Variants in WIZ observed in about 807,000 individuals in gnomAD.
WIZ encodes WIZ zinc finger, also known as protein Wiz.
In WIZ, 25 loss-of-function variants were observed where a neutral mutation model predicts 140.2. The ratio of observed to expected loss-of-function variants is 0.18; its 90% CI spans 0.13 to 0.25. WIZ has a LOEUF of 0.25. WIZ is among the 10% of genes least tolerant of loss of function. The pLI is 1.00. For synonymous variants in WIZ, 1,125 were observed against 1,154.3 expected (o/e 0.97, Z 0.51); for missense variants, 2,231 against 2,632.6 (o/e 0.85, Z 3.34).
chr19:15,438,660 G>A lies in WIZ; in HGVS notation c.2334C>T (p.Ser778=). The A allele has an allele frequency of 6.5e-7, 1 of 1,536,022 alleles. No homozygotes were observed. ...VRGHLNRVGV[S]YNVRHFISAE... ...CGGAGATGAAATGGCGCACATTGTA[G>A]CTGACGCCCACGCGGTTCAGGTGGC... The change falls in exon 4 of 13, where the codon AGC becomes AGT. Residue 778 remains serine (S), a synonymous_variant. Coordinates refer to ENST00000673675, the MANE Select transcript of WIZ (RefSeq NM_001371589.1).
At chr19:15,446,145 C>G (rs911925006) in intron 2 of WIZ, among the ~76,000 whole-genome samples, 17 of 152,298 alleles carry the variant, frequency 1.1e-4, no homozygotes, top group African/African-American at 4.1e-4. Context: ...CCTGGCCCCC[C>G]TCAGCAGCCA....
chr19:15,440,362 G>T lies in WIZ; in HGVS notation c.632C>A (p.Pro211His). ...LHLDLPAQPP[P>H]LAPFRRVFVP... ...AAACACCCTCCTGAAGGGGGCGAGG[G>T]GTGGCGGCTGGGCAGGCAGGTCCAA... Residue 211 changes from proline to histidine, a missense_variant, in exon 4 of 13, where the codon CCC becomes CAC. Coordinates refer to ENST00000673675, the MANE Select transcript of WIZ (RefSeq NM_001371589.1). This position sits in a 1 kb window ranked among gnomAD's most constrained non-coding sequence, Gnocchi z 6.2. The T allele has an allele frequency of 6.5e-7, 1 of 1,531,326 alleles. No individual in the cohort carries two copies. The allele number at this position is 1,531,326 out of a possible 1,614,324, so 94.9% of individuals were successfully genotyped here.
intron 7 of WIZ, among the ~76,000 whole-genome samples, chr19:15,429,282 G>T (rs1377614300): frequency 6.6e-6 from 1 of 152,092 alleles, no homozygotes; most frequent in Non-Finnish European, 1.5e-5. Flanking sequence ...CTACCCACAG[G>T]CCCAGAGAAA....
At position 15,425,287 on chromosome 19, in the gene WIZ, T is replaced by C; in HGVS notation, c.4848A>G (p.Glu1616=). Residue 1616 remains glutamate (E), a synonymous_variant, in exon 10 of 13, where the codon GAA becomes GAG. Transcript: ENST00000673675. Reference sequence around the variant, plus strand: ...GAAGGGTCTTTGCCTTGAAGGGCAGTTCAGTCTGGATGTAGGTCTTGGCCT... The same window carrying C: ...GAAGGGTCTTTGCCTTGAAGGGCAGCTCAGTCTGGATGTAGGTCTTGGCCT... ...EVKAKTYIQT[E]LPFKAKTLHE... is the part of the protein sequence containing the mutation. 6.3e-6 allele frequency: 10 copies of C among 1,592,116 alleles called. No homozygotes were observed. The East Asian group carries it at 9.1e-5, about 15-fold the overall frequency.
intron 1 of WIZ, among the ~76,000 whole-genome samples, chr19:15,448,771 T>G (rs566406328): frequency 6.6e-6 from 1 of 152,210 alleles, no homozygotes; most frequent in South Asian, 2.1e-4. Context: ...TGCCTTCGTT[T>G]CCTCGGCAAG....
rs1969619593 is a variant in WIZ, at chr19:15,438,944, T to G, written c.2050A>C (p.Ile684Leu). ...QQQQLRGMVP[I>L]VLVAKLGPQV... is the part of the protein sequence containing the mutation. ...GGCCCCAGCTTCGCCACGAGCACAA[T>G]GGGTACCATCCCTCGGAGCTGCTGC... The change falls in exon 4 of 13, where the codon ATT becomes CTT. Residue 684 changes from isoleucine (I) to leucine (L), a missense_variant. Ile to Leu is a conservative substitution (Grantham distance 5). Around this residue, in one of 15 missense-constraint regions of WIZ, gnomAD observed 475 missense variants for 520.2 expected, o/e 0.91. Transcript: ENST00000673675. The G allele has an allele frequency of 6.9e-7, 1 of 1,449,434 alleles. No individual in the cohort carries two copies. Among genetic ancestry groups the G allele is most frequent in the Non-Finnish European group, 9.1e-7 (1 of 1,103,068 alleles). 89.8% of individuals were successfully genotyped at this position (1,449,434 alleles called of 1,614,324 possible).
In WIZ at chr19:15,425,226, C is replaced by T. The variant is rs1328184029; in HGVS notation, c.4894+15G>A. The T allele has an allele frequency of 6.4e-7, 1 of 1,562,418 alleles. No individual in the cohort carries two copies. Among genetic ancestry groups the T allele is most frequent in the Non-Finnish European group, 8.7e-7 (1 of 1,154,518 alleles). The stretch of plus-strand genomic sequence containing the variant: ...TGGCGGTCGCCCTCCCAGGACCCTG[C>T]CGCCCGCTGCTTACAGGAGTGGGAG... On this transcript the variant is annotated intron_variant, in intron 10 of 12. Transcript: ENST00000673675.
At position 15,426,902 on chromosome 19, in the gene WIZ, C is replaced by G. The variant is rs1051319524; in HGVS notation, c.4366+80G>C. The G allele has an allele frequency of 4.0e-6, 6 of 1,501,060 alleles. No individual in the cohort carries two copies. In the African/African-American group the frequency reaches 7.0e-5, roughly 17 times the overall value. 93.0% of individuals were successfully genotyped at this position (1,501,060 alleles called of 1,614,324 possible). ...TCCTCCCTTCCAATTCAACCCTAGG[C>G]ACTCTGGATACCCCCAAGGGGAGGC... On this transcript the variant is annotated intron_variant, in intron 9 of 12. Transcript: ENST00000673675.
chr19:15,433,385 C>T (rs1969390720), intron 5 of WIZ: 6 of 982,940 alleles, frequency 6.1e-6, no homozygotes, highest in Non-Finnish European at 7.2e-6. Flanking sequence ...CCCTCCTGCC[C>T]ACTTAGGGAG....
chr19:15,423,082 A>T lies in WIZ; in HGVS notation c.5664T>A (p.Ala1888=), dbSNP rs1200888050. The T allele has an allele frequency of 6.2e-7, 1 of 1,611,224 alleles. No individual in the cohort carries two copies. The highest frequency in any genetic ancestry group is 1.1e-5 in the South Asian group (1 of 90,910). The change falls in exon 13 of 13, where the codon GCT becomes GCA. Residue 1888 remains alanine (A), a synonymous_variant. Transcript: ENST00000673675. The part of the protein sequence containing the change: ...APQAQTAAAE[A]P ...GATCTGGAATGCTTTTGTGTTAGGG[A>T]GCCTCTGCCGCCGCTGTCTGTGCCT... is the stretch of plus-strand genomic sequence containing the variant.
rs1407322489 is a variant in WIZ, at chr19:15,422,657, CAT to C, written c.*417_*418del. On this transcript the variant is annotated 3_prime_UTR_variant, in exon 13 of 13. Coordinates refer to ENST00000673675, the MANE Select transcript of WIZ (RefSeq NM_001371589.1). ...TGCGTGTTGTGTGTGTTCGCATGTA[CAT>C]GTGTGTGAGAGGATATTCATGGGGG... The C allele has an allele frequency of 1.0e-5, 2 of 194,074 alleles. No homozygotes were observed. The highest frequency in any genetic ancestry group is 4.7e-5 in the African/African-American group (2 of 42,704). The allele number at this position is 194,074 out of a possible 1,614,324, so 12.0% of individuals were successfully genotyped here.
chr19:15,432,210 G>A (rs1256229853), intron 5 of WIZ, among the ~76,000 whole-genome samples: 4 of 152,020 alleles, frequency 2.6e-5, no homozygotes, highest in African/African-American at 2.4e-5. Flanking sequence ...AAGGGGGCAA[G>A]GGACATCTGT....
chr19:15,432,761 T>A (rs1038988058), intron 5 of WIZ, among the ~76,000 whole-genome samples: 1 of 150,880 alleles, frequency 6.6e-6, no homozygotes, highest in Non-Finnish European at 1.5e-5. Flanking sequence ...GAGCGCCGAG[T>A]GCCGAGTGCC....
chr19:15,437,762 T>A (rs1219782784), intron 4 of WIZ, among the ~76,000 whole-genome samples: 1 of 152,262 alleles, frequency 6.6e-6, no homozygotes, highest in African/African-American at 2.4e-5. Context: ...TTACTCATGA[T>A]CACGCAAGTG....
chr19:15,423,268 G>C (rs1401763562), intron 12 of WIZ, 33 bp from the exon 13 acceptor site: 11 of 1,608,650 alleles, frequency 6.8e-6, no homozygotes, highest in East Asian at 2.2e-5. Flanking sequence ...GGAGTGGCCA[G>C]TGCTGTGAGG....
intron 5 of WIZ, chr19:15,432,476 C>T (rs1165627989): frequency 4.1e-6 from 4 of 976,542 alleles, no homozygotes; most frequent in South Asian, 4.7e-5. Flanking sequence ...GGCTCCGGCT[C>T]GGCCTTGGGC....
At chr19:15,443,228 T>C (rs1969805535) in intron 2 of WIZ, among the ~76,000 whole-genome samples, 1 of 152,224 alleles carries the variant, frequency 6.6e-6, no homozygotes, top group South Asian at 2.1e-4. Flanking sequence ...TGTGCCACCA[T>C]GCCTGGGTAA....
chr19:15,422,865 C>A lies in WIZ; in HGVS notation c.*211G>T. The A allele has an allele frequency of 1.5e-6, 1 of 665,618 alleles. No homozygotes were observed. Among genetic ancestry groups the A allele is most frequent in the South Asian group, 2.0e-5 (1 of 49,152 alleles). 41.2% of individuals were successfully genotyped at this position (665,618 alleles called of 1,614,324 possible). A position where few individuals can be genotyped will look rare whatever the true frequency, so the allele number is the denominator to read the frequency against. Reference sequence around the variant, plus strand: ...GTGGGCATGGGCTGAAGGAAGACACCCTGTGGCCCCAGAGTCCTCGGGCTG... The same window carrying A: ...GTGGGCATGGGCTGAAGGAAGACACACTGTGGCCCCAGAGTCCTCGGGCTG... On this transcript the variant is annotated 3_prime_UTR_variant, in exon 13 of 13. Transcript: ENST00000673675.
intron 5 of WIZ, among the ~76,000 whole-genome samples, chr19:15,434,117 G>A (rs1969422708): frequency 6.6e-6 from 1 of 152,122 alleles, no homozygotes; most frequent in Non-Finnish European, 1.5e-5. Context: ...AATTAGCTGG[G>A]CATGGTGGTG....
Sources: allele counts gnomAD v4.1 joint callset (sites outside exome capture counted in the v4.1 genomes callset), GRCh38; gene constraint gnomAD v4.1.1; regional missense constraint gnomAD v4.1.1; non-coding constraint Gnocchi (gnomAD v3.1); transcripts MANE v1.5; gene names NCBI Gene and HGNC (gene_info 2026-07-23, HGNC 2026-07-21).